The following KCNH4 variants were observed in gnomAD, a reference collection of about 807,000 sequenced individuals.
KCNH4 encodes the protein potassium voltage-gated channel subfamily H member 4, also known as voltage-gated delayed rectifier potassium channel KCNH4.
In KCNH4, 33 loss-of-function variants were observed where a neutral mutation model predicts 90.7. The observed-to-expected ratio is 0.36, with a 90% CI of 0.28 to 0.49. KCNH4 has a LOEUF of 0.49. Among genes scored for constraint, KCNH4 ranks in the 20% least tolerant of loss-of-function variants. KCNH4 has a pLI of 0.98. For synonymous variants in KCNH4, 551 were observed against 581.7 expected, an observed-to-expected ratio of 0.95 and a Z score of 0.76; for missense variants, 1,044 against 1,387.1, an observed-to-expected ratio of 0.75 and a Z score of 3.93.
intron 7 of KCNH4, among the ~76,000 whole-genome samples, 156 bp from the exon 8 acceptor site, chr17:42,170,457 A>G (rs528324058): frequency 2.0e-5 from 3 of 152,344 alleles, no homozygotes; most frequent in African/African-American, 4.8e-5. Flanking sequence ...CCCATGGTGC[A>G]TTGGTTACAG....
intron 7 of KCNH4, among the ~76,000 whole-genome samples, chr17:42,171,275 AATTCACGGGAC>A (rs1230929864): frequency 6.6e-6 from 1 of 151,916 alleles, no homozygotes; most frequent in Non-Finnish European, 1.5e-5. Flanking sequence ...GAAAAGGTCA[AATTCACGGGAC>A]ATTTGAGAGG....
chr17:42,166,936 T>C (rs2079792402), intron 9 of KCNH4, among the ~76,000 whole-genome samples: 1 of 152,166 alleles, frequency 6.6e-6, no homozygotes, highest in South Asian at 2.1e-4. Context: ...TATCCCAGTC[T>C]GTATCTCAGT....
rs1598280367 is a variant in KCNH4, at chr17:42,180,756, A to C, written c.76+114T>G. ...CGGCTTTGGGAGTTCCTAGACCCGCACCTCCATTCTCTCCCCTCGCCTCGG... is the reference window on the plus strand; with the variant it reads ...CGGCTTTGGGAGTTCCTAGACCCGCCCCTCCATTCTCTCCCCTCGCCTCGG... On this transcript the variant is annotated intron_variant, in intron 1 of 16. Transcript: ENST00000264661. This position sits in a 1 kb window ranked among gnomAD's most constrained non-coding sequence, Gnocchi z 4.7. The C allele has an allele frequency of 2.9e-6, 3 of 1,044,116 alleles. No individual in the cohort carries two copies. The highest frequency in any genetic ancestry group is 4.3e-6 in the Non-Finnish European group (3 of 692,430). 64.7% of individuals were successfully genotyped at this position (1,044,116 alleles called of 1,614,324 possible).
At chr17:42,174,966 C>T (rs2079851670) in intron 6 of KCNH4, among the ~76,000 whole-genome samples, 1 of 152,200 alleles carries the variant, frequency 6.6e-6, no homozygotes, top group Non-Finnish European at 1.5e-5. Context: ...CTCAGGAAAC[C>T]TTCCCAGACC....
At chr17:42,177,135 C>T (rs574531907) in intron 4 of KCNH4, among the ~76,000 whole-genome samples, 1 of 152,142 alleles carries the variant, frequency 6.6e-6, no homozygotes, top group Non-Finnish European at 1.5e-5. Context: ...CCGCAACCTC[C>T]ACCTCCCGGG....
chr17:42,178,997 C>T lies in KCNH4; in HGVS notation c.106G>A (p.Gly36Ser). Residue 36 changes from glycine (G) to serine (S), a missense_variant, in exon 2 of 17, where the codon GGC becomes AGC. Physicochemically the swap from Gly to Ser is moderately conservative, Grantham distance 56. Around this residue, in one of 4 missense-constraint regions of KCNH4, gnomAD observed 283 missense variants for 378.6 expected, o/e 0.75. Transcript: ENST00000264661. ...HSNFLLANAQ[G>S]TRGFPIVYCS... is the part of the protein sequence containing the mutation. ...TAGACGATGGGAAAGCCCCGTGTGCCCTGTGCGTTGGCCAGCAGGAAGTTG... is the reference window on the plus strand; with the variant it reads ...TAGACGATGGGAAAGCCCCGTGTGCTCTGTGCGTTGGCCAGCAGGAAGTTG... 6.2e-7 allele frequency: 1 copy of T among 1,613,890 alleles called. No homozygotes were observed.
At chr17:42,157,775 T>C (rs946930936) in intron 16 of KCNH4, among the ~76,000 whole-genome samples, 2 of 152,058 alleles carry the variant, frequency 1.3e-5, no homozygotes, top group Non-Finnish European at 2.9e-5. Context: ...ACCTGGCTAA[T>C]TTTTTAATTT....
chr17:42,179,177 T>C (rs1025644192), intron 1 of KCNH4, 151 bp from the exon 2 acceptor site: 2 of 617,736 alleles, frequency 3.2e-6, no homozygotes, highest in Admixed American at 5.8e-5. Context: ...TGGGATATTC[T>C]GAATTGAGAA....
rs746028334 is a variant in KCNH4, at chr17:42,163,921, G to A, written c.2162C>T (p.Thr721Met). 721 of 1,547,442 alleles carry A rather than the reference G, an allele frequency of 4.7e-4. 1 individual carries two copies. The highest frequency in any genetic ancestry group is 5.6e-4 in the Non-Finnish European group (644 of 1,146,766). Residue 721 changes from threonine (T) to methionine (M), a missense_variant, in exon 13 of 17, where the codon ACG (threonine) becomes ATG (methionine). Physicochemically the swap from Thr to Met is moderately conservative, Grantham distance 81 (BLOSUM62 -1). Coordinates refer to ENST00000264661, the MANE Select transcript of KCNH4 (RefSeq NM_012285.3). This position sits in a 1 kb window ranked among gnomAD's most constrained non-coding sequence, Gnocchi z 5.4. ...CTCGGCCTCTGTGATGGATGGCAGC[G>A]TCTTGTCTGAGGAGGAGCCGAGGCT... is the stretch of plus-strand genomic sequence containing the variant. ...SESLGSSSDKTLPSITEAESG... is the reference protein window; with the variant it reads ...SESLGSSSDKMLPSITEAESG...
At chr17:42,169,873 C>A (rs2079814951) in intron 8 of KCNH4, among the ~76,000 whole-genome samples, 197 bp from the exon 9 acceptor site, 1 of 152,216 alleles carries the variant, frequency 6.6e-6, no homozygotes, top group South Asian at 2.1e-4. Context: ...GGCCTCCCCA[C>A]CATTAGGTCA....
At chr17:42,178,568 A>C in intron 2 of KCNH4, 91 bp from the exon 3 acceptor site, 1 of 1,476,616 alleles carries the variant, frequency 6.8e-7, no homozygotes, top group Non-Finnish European at 9.1e-7. Flanking sequence ...GACATAGTTA[A>C]GAGCTTGGCA....
intron 7 of KCNH4, 28 bp downstream of exon 7, chr17:42,171,760 C>T: frequency 6.2e-7 from 1 of 1,610,636 alleles, no homozygotes; most frequent in Non-Finnish European, 8.5e-7. Context: ...GACAGGTGGT[C>T]TGTGAAAGTT....
intron 5 of KCNH4, 124 bp from the exon 6 acceptor site, chr17:42,175,860 G>A: frequency 7.5e-7 from 1 of 1,329,344 alleles, no homozygotes; most frequent in South Asian, 1.3e-5. Flanking sequence ...TGGGCTTCTG[G>A]CTGGTCCTTA....
intron 7 of KCNH4, 78 bp from the exon 8 acceptor site, chr17:42,170,379 G>T: frequency 2.4e-6 from 3 of 1,262,992 alleles, no homozygotes; most frequent in South Asian, 1.5e-5. Context: ...ACCTACGCTT[G>T]ACCTTCGGCA....
intron 3 of KCNH4, 49 bp downstream of exon 3, chr17:42,178,282 A>G (rs760040536): frequency 6.2e-7 from 1 of 1,614,144 alleles, no homozygotes; most frequent in East Asian, 2.2e-5. Context: ...GCGGCTGGTT[A>G]GGCGAAGGCT....
chr17:42,162,657 C>T (rs2079757304), intron 14 of KCNH4, among the ~76,000 whole-genome samples: 1 of 151,392 alleles, frequency 6.6e-6, no homozygotes, highest in Non-Finnish European at 1.5e-5. Flanking sequence ...CAGTGGTGTG[C>T]TCTCAGCTCA....
At position 42,178,044 on chromosome 17, in the gene KCNH4, G is replaced by A; in HGVS notation, c.585+56C>T. On this transcript the variant is annotated intron_variant, in intron 4 of 16. Coordinates refer to ENST00000264661, the MANE Select transcript of KCNH4 (RefSeq NM_012285.3). ...GAAGTGGGGAGACAGTGGCAGGGGT[G>A]CCTCAGAATCAAGGCTGGAGGACTT... The A allele has an allele frequency of 3.8e-6, 6 of 1,578,260 alleles. No individual in the cohort carries two copies. In the South Asian group the frequency reaches 7.0e-5, roughly 19 times the overall value.
intron 2 of KCNH4, 55 bp downstream of exon 2, chr17:42,178,738 T>C: frequency 6.7e-7 from 1 of 1,488,158 alleles, no homozygotes; most frequent in Non-Finnish European, 9.3e-7. Context: ...CCCAGTGCCC[T>C]CTGGATAAGG....
chr17:42,170,024 G>A, intron 8 of KCNH4, 83 bp downstream of exon 8: 1 of 1,393,706 alleles, frequency 7.2e-7, no homozygotes, highest in Non-Finnish European at 9.7e-7. Context: ...TCGGGCAGAT[G>A]TCTTGCCCTC....
Sources: allele counts gnomAD v4.1 joint callset (sites outside exome capture counted in the v4.1 genomes callset), GRCh38; gene constraint gnomAD v4.1.1; regional missense constraint gnomAD v4.1.1; non-coding constraint Gnocchi (gnomAD v3.1); transcripts MANE v1.5; gene names NCBI Gene and HGNC (gene_info 2026-07-23, HGNC 2026-07-21).